Variants in COL1A2 observed in about 807,000 individuals in gnomAD.
The protein encoded by COL1A2 is collagen type I alpha 2 chain.
A neutral mutation model predicts 174.3 loss-of-function variants in COL1A2; 49 were observed. The observed-to-expected ratio is 0.28, with a 90% confidence interval of 0.22 to 0.36. The LOEUF (loss-of-function observed/expected upper bound fraction) is 0.36, where lower values mean the gene tolerates loss of function less well. Ranked by LOEUF, COL1A2 falls within the 10% of genes least tolerant of loss-of-function variation. COL1A2 has a pLI of 1.00. For missense variants in COL1A2, 1,438 were observed against 1,822.7 expected (o/e 0.79, Z 3.84); for synonymous variants, 655 against 606.6 (o/e 1.08, Z -1.17).
chr7:94,423,090 A>G lies in COL1A2; in HGVS notation c.2537A>G (p.Lys846Arg). Residue 846 changes from lysine (K) to arginine (R), a missense_variant, in exon 40 of 52, where the codon AAG (lysine) becomes AGG (arginine). Physicochemically the swap from Lys to Arg is conservative, Grantham distance 26. Around this residue, in one of 3 missense-constraint regions of COL1A2, gnomAD observed 867 missense variants for 1,213.7 expected, o/e 0.71. Transcript: ENST00000297268. ...AVGPPGFAGEKGPSGEAGTAG... is the reference protein window; with the variant it reads ...AVGPPGFAGERGPSGEAGTAG... ...GGTCCCCCTGGCTTCGCTGGTGAGA[A>G]GGGTCCCTCTGGAGAGGCTGGTACT... 1 of 1,614,182 alleles carries G rather than the reference A, an allele frequency of 6.2e-7. No individual in the cohort carries two copies. The highest frequency in any genetic ancestry group is 1.3e-5 in the African/African-American group (1 of 75,054).
intron 26 of COL1A2, 138 bp from the exon 27 acceptor site, chr7:94,413,551 CT>C: frequency 2.4e-6 from 2 of 831,278 alleles, no homozygotes; most frequent in Non-Finnish European, 4.0e-6. Flanking sequence ...AGTATTTGGG[CT>C]TTCGTGGGAA....
chr7:94,424,773 T>C, intron 41 of COL1A2: 1 of 460,716 alleles, frequency 2.2e-6, no homozygotes, highest in South Asian at 2.2e-5. Flanking sequence ...ACTCTGGAAG[T>C]TCTGAATCGT....
intron 15 of COL1A2, 77 bp downstream of exon 15, chr7:94,408,457 G>A (rs939784917): frequency 3.3e-5 from 49 of 1,478,606 alleles, no homozygotes; most frequent in African/African-American, 4.2e-5. Flanking sequence ...AATCTCTTAC[G>A]AAATAGCATC....
Position 94,397,770 on chromosome 7 carries a change from T to C in COL1A2, c.81+12T>C. The C allele has an allele frequency of 3.8e-6, 5 of 1,304,488 alleles. No individual in the cohort carries two copies. Among genetic ancestry groups the C allele is most frequent in the East Asian group, 2.4e-5 (1 of 42,526 alleles). The allele number at this position is 1,304,488 out of a possible 1,614,324, so 80.8% of individuals were successfully genotyped here. On this transcript the variant is annotated intron_variant, in intron 2 of 51. Transcript: ENST00000297268. The stretch of plus-strand genomic sequence containing the variant: ...CAGCTTTACAAGAGGTGAGTAAAAC[T>C]TTTTTTAGAATTTTTAAAAATACTT...
intron 23 of COL1A2, 72 bp from the exon 24 acceptor site, chr7:94,411,996 A>G: frequency 7.6e-7 from 1 of 1,321,014 alleles, no homozygotes; most frequent in Non-Finnish European, 1.1e-6. Context: ...CCTTTGTTAG[A>G]CTTCAGTTAA....
At position 94,404,850 on chromosome 7, in the gene COL1A2, T is replaced by A; in HGVS notation, c.390T>A (p.Gly130=). 1 of 1,614,074 alleles carries A rather than the reference T, an allele frequency of 6.2e-7. No homozygotes were observed. Among genetic ancestry groups the A allele is most frequent in the Non-Finnish European group, 8.5e-7 (1 of 1,180,002 alleles). Residue 130 remains glycine (G), a synonymous_variant, in exon 9 of 52, where the codon GGT becomes GGA. Transcript: ENST00000297268. ...TCCCATTTTCTTAGGGTCCTGCAGG[T>A]GCTCGTGGTCCAGCTGGCCCTCCTG... ...PGEPGQTGPA[G]ARGPAGPPGK...
chr7:94,425,421 C>T (rs1376665385), intron 42 of COL1A2, 189 bp from the exon 43 acceptor site: 6 of 823,462 alleles, frequency 7.3e-6, no homozygotes, highest in Non-Finnish European at 1.2e-5. Flanking sequence ...CACTGCAAAA[C>T]TGGGCCCAAG....
chr7:94,396,968 T>C (rs990348937), intron 1 of COL1A2, among the ~76,000 whole-genome samples: 2 of 152,190 alleles, frequency 1.3e-5, no homozygotes, highest in African/African-American at 4.8e-5. Flanking sequence ...CTTATAACAA[T>C]TATGGCAAAA....
At chr7:94,406,842 T>C (rs1255297905) in intron 12 of COL1A2, among the ~76,000 whole-genome samples, 1 of 152,204 alleles carries the variant, frequency 6.6e-6, no homozygotes, top group African/African-American at 2.4e-5. Flanking sequence ...TATAAAATGT[T>C]CTCTTTCCTA....
Position 94,401,639 on chromosome 7 carries a change from C to G in COL1A2, c.279+19C>G, listed in dbSNP as rs370999977. ...ACCAATGGTATGCTTATCTGTTTAT[C>G]TTAGCCAAAAAAATTGCTAAATAAA... On this transcript the variant is annotated intron_variant, in intron 6 of 51. Coordinates refer to ENST00000297268, the MANE Select transcript of COL1A2 (RefSeq NM_000089.4). 1.3e-6 allele frequency: 2 copies of G among 1,573,054 alleles called. No individual in the cohort carries two copies. Among genetic ancestry groups the G allele is most frequent in the African/African-American group, 2.7e-5 (2 of 73,522 alleles).
intron 19 of COL1A2, 30 bp from the exon 20 acceptor site, chr7:94,410,212 C>T (rs1202064347): frequency 1.2e-6 from 2 of 1,611,348 alleles, no homozygotes. Flanking sequence ...AATGTTTGTC[C>T]TTTGACCACT....
rs574068417 is a variant in COL1A2, at chr7:94,417,708, A to T, written c.1864-16A>T. Reference sequence around the variant, plus strand: ...CTTTCTCCACTAAAATTGATTTCACATGTGTTTGACTCAAGGGTGAACCTG... The same window carrying T: ...CTTTCTCCACTAAAATTGATTTCACTTGTGTTTGACTCAAGGGTGAACCTG... On this transcript the variant is annotated splice_polypyrimidine_tract_variant and intron_variant, in intron 31 of 51. Transcript: ENST00000297268. 6.4e-7 allele frequency: 1 copy of T among 1,567,892 alleles called. No homozygotes were observed. The highest frequency in any genetic ancestry group is 8.7e-7 in the Non-Finnish European group (1 of 1,153,030).
At chr7:94,427,132 C>T in intron 47 of COL1A2, 56 bp from the exon 48 acceptor site, 2 of 1,608,720 alleles carry the variant, frequency 1.2e-6, no homozygotes, top group Admixed American at 1.7e-5. Context: ...CCCCAGGCTG[C>T]TGCTCCCTTG....
chr7:94,418,811 A>G (rs1002379480), intron 33 of COL1A2, among the ~76,000 whole-genome samples: 1 of 152,076 alleles, frequency 6.6e-6, no homozygotes. Context: ...ACTACAAACT[A>G]TAGACCAAAA....
intron 31 of COL1A2, chr7:94,416,767 G>A (rs960204012): frequency 2.2e-5 from 10 of 457,264 alleles, no homozygotes; most frequent in South Asian, 1.2e-4. Context: ...TTCTCCTCAC[G>A]CTGTTTATGC....
intron 3 of COL1A2, 105 bp from the exon 4 acceptor site, chr7:94,398,944 G>C: frequency 9.5e-7 from 1 of 1,048,606 alleles, no homozygotes; most frequent in Non-Finnish European, 1.5e-6. Context: ...TAACATTGTA[G>C]TTACATCAGT....
intron 26 of COL1A2, 80 bp downstream of exon 26, chr7:94,413,216 T>C: frequency 7.3e-7 from 1 of 1,364,950 alleles, no homozygotes; most frequent in Non-Finnish European, 1.0e-6. Flanking sequence ...CCATCTGATA[T>C]CATTTTGTCA....
chr7:94,402,500 A>C (rs1305887430), intron 6 of COL1A2, among the ~76,000 whole-genome samples: 4 of 152,036 alleles, frequency 2.6e-5, no homozygotes, highest in Non-Finnish European at 5.9e-5. Context: ...ACCGCTTAGA[A>C]ACATTCCCTA....
intron 34 of COL1A2, among the ~76,000 whole-genome samples, 167 bp from the exon 35 acceptor site, chr7:94,420,066 T>C (rs1018878305): frequency 6.6e-6 from 1 of 152,200 alleles, no homozygotes; most frequent in African/African-American, 2.4e-5. Flanking sequence ...AAAATGAATA[T>C]AGCATTAAGT....
Sources: allele counts gnomAD v4.1 joint callset (sites outside exome capture counted in the v4.1 genomes callset), GRCh38; gene constraint gnomAD v4.1.1; regional missense constraint gnomAD v4.1.1; transcripts MANE v1.5; gene names NCBI Gene and HGNC (gene_info 2026-07-23, HGNC 2026-07-21).